The following TRIM71 variants were observed in gnomAD, a reference collection of about 807,000 sequenced individuals.
TRIM71 encodes the protein E3 ubiquitin-protein ligase TRIM71.
In TRIM71, 9 loss-of-function variants were observed where a neutral mutation model predicts 61.2. The ratio of observed to expected loss-of-function variants is 0.15; its 90% CI spans 0.09 to 0.26. The LOEUF (loss-of-function observed/expected upper bound fraction) is 0.26, where lower values mean the gene tolerates loss of function less well. Among genes scored for constraint, TRIM71 ranks in the 10% least tolerant of loss-of-function variants. The probability of loss-of-function intolerance (pLI) is 1.00; values close to 1 mark genes in which losing one functional copy is unlikely to be tolerated. For missense variants in TRIM71, 998 were observed against 1,238.7 expected (o/e 0.81, Z 2.92); for synonymous variants, 645 against 553.2 (o/e 1.17, Z -2.33).
chr3:32,882,804 A>G (rs1484760234), intron 2 of TRIM71, among the ~76,000 whole-genome samples: 1 of 152,110 alleles, frequency 6.6e-6, no homozygotes, highest in Non-Finnish European at 1.5e-5. Flanking sequence ...TGCCTCCCAG[A>G]GTGCTGGGAT....
chr3:32,852,769 A>AAC lies in TRIM71; in HGVS notation c.853-21048_853-21047insCA, dbSNP rs1553644848. Among the ~76,000 whole-genome samples, 41 of 148,990 alleles carry AAC rather than the reference A, an allele frequency of 2.8e-4. 1 individual carries two copies. The South Asian group carries it at 4.6e-3, about 17-fold the overall frequency. ...TTGTATACTGTCTTTTAAAAAAAAA[A>AAC]AAAAACAAAAACAAACTTTATCTGG... is the stretch of plus-strand genomic sequence containing the variant. On this transcript the variant is annotated intron_variant, in intron 1 of 3. Coordinates refer to ENST00000383763, the MANE Select transcript of TRIM71 (RefSeq NM_001039111.3).
chr3:32,834,881 A>C (rs2125677208), intron 1 of TRIM71, among the ~76,000 whole-genome samples: 1 of 152,302 alleles, frequency 6.6e-6, no homozygotes. Flanking sequence ...CGTTTTGAGC[A>C]TTCATTTTGT....
chr3:32,828,181 G>A (rs1696225596), intron 1 of TRIM71, among the ~76,000 whole-genome samples: 1 of 152,100 alleles, frequency 6.6e-6, no homozygotes, highest in Non-Finnish European at 1.5e-5. Context: ...CGAGATCAGT[G>A]TCAAAGGGAG....
intron 1 of TRIM71, among the ~76,000 whole-genome samples, chr3:32,820,370 A>C (rs558055922): frequency 6.6e-6 from 1 of 152,344 alleles, no homozygotes; most frequent in Admixed American, 6.5e-5. Context: ...TCTCCTTTTA[A>C]AAGGTTTCTT....
chr3:32,864,797 C>G (rs1696712973), intron 1 of TRIM71, among the ~76,000 whole-genome samples: 1 of 151,988 alleles, frequency 6.6e-6, no homozygotes, highest in South Asian at 2.1e-4. Flanking sequence ...TGTGTTGTCC[C>G]CCAGTTGGTA....
rs1696090226 is a variant in TRIM71 at position 32,818,630 on chromosome 3, C to T, written c.550C>T (p.Pro184Ser). 1 of 1,458,958 alleles carries T rather than the reference C, an allele frequency of 6.9e-7. No individual in the cohort carries two copies. Among genetic ancestry groups the T allele is most frequent in the Non-Finnish European group, 9.0e-7 (1 of 1,114,818 alleles). 90.4% of individuals were successfully genotyped at this position (1,458,958 alleles called of 1,614,324 possible). ...GCCTTCCCGCTCGGCACCCGGCGGCCCTGCCGCTTCCCCGTCGGCGCTGCT... is the reference window on the plus strand; with the variant it reads ...GCCTTCCCGCTCGGCACCCGGCGGCTCTGCCGCTTCCCCGTCGGCGCTGCT... ...PAPSRSAPGG[P>S]AASPSALLLR... Residue 184 changes from proline to serine, a missense_variant, in exon 1 of 4, where the codon CCT (proline) becomes TCT (serine). Around this residue, in one of 5 missense-constraint regions of TRIM71, gnomAD observed 527 missense variants for 427.8 expected, o/e 1.23. Transcript: ENST00000383763.
At chr3:32,888,026 A>C (rs750973178) in intron 3 of TRIM71, among the ~76,000 whole-genome samples, 4 of 152,300 alleles carry the variant, frequency 2.6e-5, no homozygotes, top group Non-Finnish European at 5.9e-5. Flanking sequence ...CACAGGGGGA[A>C]ATTGCTTAGA....
chr3:32,869,734 C>G (rs926927916), intron 1 of TRIM71, among the ~76,000 whole-genome samples: 1 of 152,204 alleles, frequency 6.6e-6, no homozygotes, highest in Admixed American at 6.5e-5. Flanking sequence ...AGGTCTTTGT[C>G]TCTGCCTGGT....
At chr3:32,864,110 A>G (rs1696704139) in intron 1 of TRIM71, among the ~76,000 whole-genome samples, 1 of 152,192 alleles carries the variant, frequency 6.6e-6, no homozygotes, top group Non-Finnish European at 1.5e-5. Flanking sequence ...TCTGTTGCCC[A>G]AGCTGGAGTG....
chr3:32,818,532 A>G lies in TRIM71; in HGVS notation c.452A>G (p.His151Arg), dbSNP rs1205582181. 5 of 1,338,436 alleles carry G rather than the reference A, an allele frequency of 3.7e-6. No individual in the cohort carries two copies. The highest frequency in any genetic ancestry group is 4.8e-6 in the Non-Finnish European group (5 of 1,049,616). 82.9% of individuals were successfully genotyped at this position (1,338,436 alleles called of 1,614,324 possible). A position where few individuals can be genotyped will look rare whatever the true frequency, so the allele number is the denominator to read the frequency against. ...AGAGGHSNHR[H>R]HAHHAHPRAS... The stretch of plus-strand genomic sequence containing the variant: ...GCGGGCGGCCACAGCAACCACCGGC[A>G]CCACGCTCACCACGCGCACCCGCGC... Residue 151 changes from histidine (H) to arginine (R), a missense_variant, in exon 1 of 4, where the codon CAC becomes CGC. This residue lies in a region of TRIM71 where 527 missense variants were observed against 427.8 expected (regional missense o/e 1.23). Transcript: ENST00000383763.
Position 32,890,227 on chromosome 3 carries a change from G to T in TRIM71, c.1156-133G>T. ...ATTTTGCTGCTTTTGAAGAAAGACA[G>T]ATGTCTTTTGTAGACCATCCCACAA... On this transcript the variant is annotated intron_variant, in intron 3 of 3. Coordinates refer to ENST00000383763, the MANE Select transcript of TRIM71 (RefSeq NM_001039111.3). The surrounding 1 kb of genome is among the most constrained non-coding windows in gnomAD (Gnocchi z 6.2). 8.1e-7 allele frequency: 1 copy of T among 1,230,630 alleles called. No homozygotes were observed. Among genetic ancestry groups the T allele is most frequent in the Non-Finnish European group, 1.1e-6 (1 of 888,346 alleles). 76.2% of individuals were successfully genotyped at this position (1,230,630 alleles called of 1,614,324 possible).
At chr3:32,842,090 G>A (rs1028331644) in intron 1 of TRIM71, among the ~76,000 whole-genome samples, 1 of 152,222 alleles carries the variant, frequency 6.6e-6, no homozygotes, top group Non-Finnish European at 1.5e-5. Context: ...GCTCAGCAGG[G>A]AGAGAAGGGA....
intron 1 of TRIM71, among the ~76,000 whole-genome samples, chr3:32,833,183 T>TAAAAAAAAAAAAAAAAAA (rs1696293408): frequency 2.6e-5 from 1 of 39,100 alleles, no homozygotes; most frequent in Non-Finnish European, 6.4e-5. Flanking sequence ...AACTCTGTCT[T>TAAAAAAAAAAAAAAAAAA]TAAAAAAAAA....
intron 1 of TRIM71, among the ~76,000 whole-genome samples, chr3:32,843,442 A>AGT (rs1696434321): frequency 6.6e-6 from 1 of 152,104 alleles, no homozygotes; most frequent in African/African-American, 2.4e-5. Flanking sequence ...GGGGCCTCGA[A>AGT]GTAAGGGATA....
chr3:32,869,990 T>A (rs1323686614), intron 1 of TRIM71, among the ~76,000 whole-genome samples: 1 of 152,256 alleles, frequency 6.6e-6, no homozygotes, highest in African/African-American at 2.4e-5. Flanking sequence ...CGGGAGCCGC[T>A]GTTCATGGCT....
In TRIM71 at chr3:32,818,547, C is replaced by T. The variant is rs1336685310; in HGVS notation, c.467C>T (p.Ala156Val). 8 of 1,269,624 alleles carry T rather than the reference C, an allele frequency of 6.3e-6. No homozygotes were observed. The highest frequency in any genetic ancestry group is 6.9e-6 in the Non-Finnish European group (7 of 1,014,812). 78.6% of individuals were successfully genotyped at this position (1,269,624 alleles called of 1,614,324 possible). Residue 156 changes from alanine (A) to valine (V), a missense_variant, in exon 1 of 4, where the codon GCG (alanine) becomes GTG (valine). Coordinates refer to ENST00000383763, the MANE Select transcript of TRIM71 (RefSeq NM_001039111.3). ...AACCACCGGCACCACGCTCACCACG[C>T]GCACCCGCGCGCGTCCGCCTCCGCG... ...HSNHRHHAHHAHPRASASAPP... is the reference protein window; with the variant it reads ...HSNHRHHAHHVHPRASASAPP...
At chr3:32,822,438 A>T (rs1696145374) in intron 1 of TRIM71, among the ~76,000 whole-genome samples, 1 of 152,146 alleles carries the variant, frequency 6.6e-6, no homozygotes, top group African/African-American at 2.4e-5. Flanking sequence ...CACTCCTGGG[A>T]CTGTCTCCTG....
At position 32,874,225 on chromosome 3, in the gene TRIM71, T is replaced by A. The variant is rs534241251; in HGVS notation, c.1020+240T>A. ...TAAGCACCTAGCCTGGGCCCCAACA[T>A]ACCACCTGCACGTGTCCCACCCAGC... On this transcript the variant is annotated intron_variant, in intron 2 of 3. Transcript: ENST00000383763. Among the ~76,000 whole-genome samples the A allele has an allele frequency of 2.6e-5, 4 of 152,142 alleles. No individual in the cohort carries two copies. In the East Asian group the frequency reaches 7.7e-4, roughly 29 times the overall value.
chr3:32,893,370 T>C lies in TRIM71; in HGVS notation c.*1559T>C, dbSNP rs1384053252. Reference sequence around the variant, plus strand: ...TGTGTCACTTTACAGGATTGGTTGGTTGTAAGCTGGACTTGGGTACAAAAC... The same window carrying C: ...TGTGTCACTTTACAGGATTGGTTGGCTGTAAGCTGGACTTGGGTACAAAAC... On this transcript the variant is annotated 3_prime_UTR_variant, in exon 4 of 4. Transcript: ENST00000383763. 1 of 152,198 alleles carries C rather than the reference T, an allele frequency of 6.6e-6. No individual in the cohort carries two copies. The highest frequency in any genetic ancestry group is 2.4e-5 in the African/African-American group (1 of 41,440). The allele number at this position is 152,198 out of a possible 1,614,324, so 9.4% of individuals were successfully genotyped here.
Sources: gnomAD v4.1 joint callset for allele counts (sites outside exome capture counted in the v4.1 genomes callset) on GRCh38, gnomAD v4.1.1 for gene constraint, gnomAD v4.1.1 regional missense constraint, Gnocchi (gnomAD v3.1) non-coding constraint, MANE v1.5 for transcripts, NCBI Gene and HGNC (gene_info 2026-07-23, HGNC 2026-07-21) for gene names.